The following SCHIP1 variants were observed in gnomAD, a reference collection of about 807,000 sequenced individuals.
SCHIP1 encodes schwannomin-interacting protein 1.
A neutral mutation model predicts 29.7 loss-of-function variants in SCHIP1; 8 were observed. The observed-to-expected ratio is 0.27, with a 90% CI of 0.16 to 0.49. SCHIP1 has a LOEUF of 0.49. SCHIP1 is among the 20% of genes least tolerant of loss of function. The probability of loss-of-function intolerance (pLI) is 0.99; values close to 1 mark genes in which losing one functional copy is unlikely to be tolerated. For synonymous variants in SCHIP1, 76 were observed against 94.9 expected (o/e 0.80, Z 1.16); for missense variants, 193 against 294.6 (o/e 0.66, Z 2.52).
chr3:159,505,920 C>T, the SCHIP1 span, among the ~76,000 whole-genome samples: 90 of 152,158 alleles, frequency 5.9e-4, no homozygotes, highest in African/African-American at 2.0e-3. Flanking sequence ...TGAATAGTGC[C>T]GCAATAAACA....
At chr3:159,824,708 C>T in the SCHIP1 span, among the ~76,000 whole-genome samples, 1 of 152,170 alleles carries the variant, frequency 6.6e-6, no homozygotes, top group African/African-American at 2.4e-5. Context: ...TATAAAACAG[C>T]AAATATTTCC....
intron 1 of SCHIP1, among the ~76,000 whole-genome samples, chr3:159,843,002 T>TTC (rs1744406766): frequency 9.3e-5 from 2 of 21,462 alleles, no homozygotes; most frequent in African/African-American, 5.2e-4. Flanking sequence ...TATTTCTTTC[T>TTC]TTTTTTTTTT....
the SCHIP1 span, among the ~76,000 whole-genome samples, chr3:159,572,086 T>G: frequency 1.3e-5 from 2 of 152,258 alleles, no homozygotes; most frequent in South Asian, 2.1e-4. Context: ...AGCTCCTGGA[T>G]TGATTTTTTT....
the SCHIP1 span, among the ~76,000 whole-genome samples, chr3:159,777,617 TAATA>T: frequency 6.6e-6 from 1 of 152,138 alleles, no homozygotes; most frequent in Non-Finnish European, 1.5e-5. Context: ...TATTTATTAA[TAATA>T]AAAAGGGAAG....
the SCHIP1 span, among the ~76,000 whole-genome samples, chr3:159,724,863 C>G: frequency 6.6e-6 from 1 of 152,236 alleles, no homozygotes; most frequent in Non-Finnish European, 1.5e-5. Context: ...AATGGGAATT[C>G]AGTGACATTG....
At chr3:159,846,020 A>G (rs149398884) in intron 1 of SCHIP1, 2 of 152,356 alleles carry the variant, frequency 1.3e-5, no homozygotes, top group African/African-American at 4.8e-5. Flanking sequence ...ATGCACAGAC[A>G]TTCCAGCCTT....
the SCHIP1 span, among the ~76,000 whole-genome samples, chr3:159,583,048 G>A: frequency 6.6e-6 from 1 of 151,928 alleles, no homozygotes; most frequent in Non-Finnish European, 1.5e-5. Context: ...GTATCCTCCA[G>A]CAACATTTCT....
At chr3:159,596,264 A>T in the SCHIP1 span, among the ~76,000 whole-genome samples, 1 of 152,214 alleles carries the variant, frequency 6.6e-6, no homozygotes, top group Non-Finnish European at 1.5e-5. Context: ...ATCTCACACC[A>T]GTTAGAATGG....
chr3:159,723,567 A>G, the SCHIP1 span, among the ~76,000 whole-genome samples: 1 of 152,206 alleles, frequency 6.6e-6, no homozygotes, highest in African/African-American at 2.4e-5. Context: ...ACTAGGTCAG[A>G]ATTTTAAATT....
chr3:159,794,016 A>G, the SCHIP1 span, among the ~76,000 whole-genome samples: 1 of 152,114 alleles, frequency 6.6e-6, no homozygotes, highest in African/African-American at 2.4e-5. Flanking sequence ...CACCCGGGTA[A>G]TTCAGGATAG....
chr3:159,433,543 G>C, the SCHIP1 span, among the ~76,000 whole-genome samples: 1 of 152,218 alleles, frequency 6.6e-6, no homozygotes, highest in East Asian at 1.9e-4. Flanking sequence ...AGAAAACAAT[G>C]ATCATGTCTT....
At chr3:159,577,950 CAA>C in the SCHIP1 span, among the ~76,000 whole-genome samples, 1 of 152,120 alleles carries the variant, frequency 6.6e-6, no homozygotes, top group Admixed American at 6.6e-5. Flanking sequence ...CAAGCAAAAA[CAA>C]AAGTTTTATC....
At chr3:159,352,675 T>C in the SCHIP1 span, among the ~76,000 whole-genome samples, 2 of 152,174 alleles carry the variant, frequency 1.3e-5, no homozygotes, top group African/African-American at 4.8e-5. Context: ...TTTGTAGTTA[T>C]AGTCACATCT....
At chr3:159,864,341 A>T (rs1489892276) in intron 1 of SCHIP1, among the ~76,000 whole-genome samples, 1 of 152,114 alleles carries the variant, frequency 6.6e-6, no homozygotes, top group African/African-American at 2.4e-5. Flanking sequence ...CCATAACCTT[A>T]TGGTTACTTT....
the SCHIP1 span, among the ~76,000 whole-genome samples, chr3:159,279,440 CTA>C: frequency 6.6e-6 from 1 of 152,272 alleles, no homozygotes; most frequent in East Asian, 1.9e-4. Flanking sequence ...TGAAAATGGA[CTA>C]ATACACATGC....
At chr3:159,627,544 A>T in the SCHIP1 span, among the ~76,000 whole-genome samples, 1 of 152,188 alleles carries the variant, frequency 6.6e-6, no homozygotes, top group African/African-American at 2.4e-5. Flanking sequence ...CAAGAGCTAG[A>T]AATTGGTTAG....
chr3:159,764,298 C>T, the SCHIP1 span: 1 of 959,204 alleles, frequency 1.0e-6, no homozygotes, highest in Non-Finnish European at 1.5e-6. This position sits in a 1 kb window ranked among gnomAD's most constrained non-coding sequence, Gnocchi z 6.1. Context: ...CTGGTGCTGG[C>T]TCCCGCCCCC....
At chr3:159,364,032 C>T in the SCHIP1 span, among the ~76,000 whole-genome samples, 4 of 152,284 alleles carry the variant, frequency 2.6e-5, no homozygotes, top group African/African-American at 9.6e-5. Flanking sequence ...CAGTGTTGCA[C>T]TTCTGGTTTT....
chr3:159,408,556 A>G, the SCHIP1 span, among the ~76,000 whole-genome samples: 1 of 152,194 alleles, frequency 6.6e-6, no homozygotes, highest in Non-Finnish European at 1.5e-5. Flanking sequence ...ATGCCAATAA[A>G]TTGGAAAACC....
Sources: allele counts gnomAD v4.1 joint callset (sites outside exome capture counted in the v4.1 genomes callset), GRCh38; gene constraint gnomAD v4.1.1; non-coding constraint Gnocchi (gnomAD v3.1); transcripts MANE v1.5; gene names NCBI Gene and HGNC (gene_info 2026-07-23, HGNC 2026-07-21).